Variants in ZNF578 observed in about 807,000 individuals in gnomAD.
ZNF578 encodes the protein Putative chemokine-related protein B42.
A neutral mutation model predicts 8.3 loss-of-function variants in ZNF578; 8 were observed. That is an observed-to-expected ratio of 0.96 (90% CI 0.56 to 1.74). The LOEUF (loss-of-function observed/expected upper bound fraction) is 1.74. Among genes scored for constraint, ZNF578 ranks in the 40% most tolerant of loss-of-function variants. The pLI is 0.00. For synonymous variants in ZNF578, 206 were observed against 232.2 expected (o/e 0.89, Z 1.03); for missense variants, 726 against 707.5 (o/e 1.03, Z -0.30).
chr19:52,513,662 G>A lies in ZNF578; in HGVS notation c.*1508G>A, dbSNP rs1262554930. On this transcript the variant is annotated 3_prime_UTR_variant, in exon 6 of 6. Coordinates refer to ENST00000421239, the MANE Select transcript of ZNF578 (RefSeq NM_001099694.2). ...GGACAATGGTGTGAACCCAGGAGGCGGTGCTTGCAGGGAGCCGAGATCGTG... is the reference window on the plus strand; with the variant it reads ...GGACAATGGTGTGAACCCAGGAGGCAGTGCTTGCAGGGAGCCGAGATCGTG... Among the ~76,000 whole-genome samples the A allele has an allele frequency of 3.3e-5, 5 of 151,254 alleles. No individual in the cohort carries two copies. Among genetic ancestry groups the A allele is most frequent in the Non-Finnish European group, 7.4e-5 (5 of 67,878 alleles).
chr19:52,463,289 G>A (rs2059264500), intron 2 of ZNF578, among the ~76,000 whole-genome samples: 1 of 152,136 alleles, frequency 6.6e-6, no homozygotes. Flanking sequence ...CACCAGTTTG[G>A]CAAGTAGCCC....
intron 3 of ZNF578, among the ~76,000 whole-genome samples, chr19:52,492,415 A>G (rs532544925): frequency 1.3e-5 from 2 of 152,240 alleles, no homozygotes; most frequent in South Asian, 4.1e-4. Flanking sequence ...CGGAGGCCCT[A>G]GGGAAGTCTC....
chr19:52,484,189 A>G (rs895656576), intron 2 of ZNF578, among the ~76,000 whole-genome samples: 4 of 152,228 alleles, frequency 2.6e-5, no homozygotes, highest in Admixed American at 1.3e-4. Flanking sequence ...AAACACCTCA[A>G]TGCCTTAAAG....
intron 5 of ZNF578, 53 bp from the exon 6 acceptor site, chr19:52,510,519 A>G: frequency 6.8e-7 from 1 of 1,476,374 alleles, no homozygotes; most frequent in Non-Finnish European, 9.0e-7. Context: ...ACACTTCAGT[A>G]TGATTTACCA....
intron 3 of ZNF578, among the ~76,000 whole-genome samples, chr19:52,496,550 C>T (rs936117379): frequency 2.8e-5 from 4 of 144,578 alleles, no homozygotes; most frequent in African/African-American, 5.2e-5. Flanking sequence ...AGGATGGTCT[C>T]GATCTCCTGA....
At position 52,512,637 on chromosome 19, in the gene ZNF578, C is replaced by T. The variant is rs1404605121; in HGVS notation, c.*483C>T. Among the ~76,000 whole-genome samples the T allele has an allele frequency of 6.6e-6, 1 of 152,158 alleles. No individual in the cohort carries two copies. The highest frequency in any genetic ancestry group is 1.9e-4 in the East Asian group (1 of 5,196). On this transcript the variant is annotated 3_prime_UTR_variant, in exon 6 of 6. Transcript: ENST00000421239. The stretch of plus-strand genomic sequence containing the variant: ...GCAAAGCCTTTACTTCATGTTCACA[C>T]CTCATTAGACATCAGAGAATCCCTA...
intron 5 of ZNF578, among the ~76,000 whole-genome samples, chr19:52,509,207 G>A (rs28413527): frequency 0.016 from 2,366 of 152,056 alleles, 57 homozygotes; most frequent in African/African-American, 0.053. Flanking sequence ...CCAGCCGTTA[G>A]TCAGTTCTTA....
At position 52,516,771 on chromosome 19, in the gene ZNF578, G is replaced by T. The variant is rs2059478446; in HGVS notation, c.*4617G>T. 6.6e-6 allele frequency among the ~76,000 whole-genome samples: 1 copy of T among 152,080 alleles called. No individual in the cohort carries two copies. The highest frequency in any genetic ancestry group is 2.4e-5 in the African/African-American group (1 of 41,404). On this transcript the variant is annotated 3_prime_UTR_variant, in exon 6 of 6. Coordinates refer to ENST00000421239, the MANE Select transcript of ZNF578 (RefSeq NM_001099694.2). ...AGCATTGCCCCTAACTCCACCGCCT[G>T]TCCCAAAAGCTACAAGAACTAATGA... is the stretch of plus-strand genomic sequence containing the variant.
At chr19:52,489,749 G>A (rs1472387952) in intron 2 of ZNF578, among the ~76,000 whole-genome samples, 2 of 151,096 alleles carry the variant, frequency 1.3e-5, no homozygotes, top group African/African-American at 4.9e-5. Context: ...TCTGCCTCCC[G>A]GGTTCACGCC....
chr19:52,479,542 CAAAAA>C (rs34862610), intron 2 of ZNF578, among the ~76,000 whole-genome samples: 1 of 64,252 alleles, frequency 1.6e-5, no homozygotes. Context: ...GACTCCATCT[CAAAAA>C]AAAAAAAAAA....
chr19:52,454,539 A>G (rs1378025712), intron 1 of ZNF578: 2 of 152,254 alleles, frequency 1.3e-5, no homozygotes, highest in Non-Finnish European at 2.9e-5. Context: ...TTGCCAGAGT[A>G]GCTCACAGAA....
chr19:52,486,545 C>T (rs1212069493), intron 2 of ZNF578, among the ~76,000 whole-genome samples: 5 of 152,042 alleles, frequency 3.3e-5, no homozygotes, highest in South Asian at 2.1e-4. Context: ...ACATGAAGGA[C>T]GGCAAGGTAG....
At position 52,516,138 on chromosome 19, in the gene ZNF578, C is replaced by A. The variant is rs67127431; in HGVS notation, c.*3984C>A. Among the ~76,000 whole-genome samples, 40,726 of 152,000 alleles carry A rather than the reference C, an allele frequency of 0.27. 5,604 individuals are homozygous for A. Among genetic ancestry groups the A allele is most frequent in the Middle Eastern group, 0.3 (87 of 294 alleles). On this transcript the variant is annotated 3_prime_UTR_variant, in exon 6 of 6. Transcript: ENST00000421239. The stretch of plus-strand genomic sequence containing the variant: ...CTCAGGTCATTGTCCCTGCTCTTAC[C>A]CTATGTACCCTGTCCCTTTCTCCTC...
chr19:52,507,092 A>C (rs1261704019), intron 5 of ZNF578, among the ~76,000 whole-genome samples: 1 of 152,148 alleles, frequency 6.6e-6, no homozygotes, highest in Non-Finnish European at 1.5e-5. Flanking sequence ...GAATCTACTA[A>C]ATTAAAAAAA....
At chr19:52,492,181 AAAAAAAAAAGGG>A (rs2059367716) in intron 3 of ZNF578, among the ~76,000 whole-genome samples, 3 of 136,774 alleles carry the variant, frequency 2.2e-5, no homozygotes, top group Non-Finnish European at 4.8e-5. Context: ...AAAAAAAAAA[AAAAAAAAAAGGG>A]AGGGAGAGAC....
Position 52,511,702 on chromosome 19 carries a change from A to G in ZNF578, c.1321A>G (p.Ser441Gly), listed in dbSNP as rs371367423. ...DCGKAFIHQS[S>G]LARHHRLHTG... ...TGGTAAGGCTTTTATTCATCAGTCA[A>G]GCCTTGCACGTCATCATAGACTTCA... The change falls in exon 6 of 6, where the codon AGC becomes GGC. Residue 441 changes from serine (S) to glycine (G), a missense_variant. Physicochemically the swap from Ser to Gly is moderately conservative, Grantham distance 56. Transcript: ENST00000421239. The G allele has an allele frequency of 5.6e-6, 9 of 1,612,932 alleles. No individual in the cohort carries two copies. In the African/African-American group the frequency reaches 1.1e-4, roughly 19 times the overall value.
chr19:52,495,289 CCT>C lies in ZNF578; in HGVS notation c.-20+3865_-20+3866del, dbSNP rs376532460. ...AAGCGATTCTCCTGCGATACTACCC[CCT>C]GAGTAGCTGGGATTACAGGCATGCG... On this transcript the variant is annotated intron_variant, in intron 3 of 5. Coordinates refer to ENST00000421239, the MANE Select transcript of ZNF578 (RefSeq NM_001099694.2). Among the ~76,000 whole-genome samples the C allele has an allele frequency of 7.0e-4, 100 of 143,792 alleles. 3 individuals are homozygous for C. The East Asian group carries it at 0.016, about 23-fold the overall frequency. The allele number at this position is 143,792 out of a possible 152,430, so 94.3% of individuals were successfully genotyped here. A position where few individuals can be genotyped will look rare whatever the true frequency, so the allele number is the denominator to read the frequency against.
chr19:52,510,843 T>G lies in ZNF578; in HGVS notation c.462T>G (p.Asp154Glu). Residue 154 changes from aspartate (D) to glutamate (E), a missense_variant, in exon 6 of 6, where the codon GAT (aspartate) becomes GAG (glutamate). Physicochemically the swap from Asp to Glu is conservative, Grantham distance 45. Coordinates refer to ENST00000421239, the MANE Select transcript of ZNF578 (RefSeq NM_001099694.2). ...ATGCTGGAAACAAGCCTATTAAAGA[T>G]CAGCTTGGATTAAGCTTTCATTTGC... ...QRHAGNKPIK[D>E]QLGLSFHLHL... 1 of 1,614,198 alleles carries G rather than the reference T, an allele frequency of 6.2e-7. No homozygotes were observed. The highest frequency in any genetic ancestry group is 8.5e-7 in the Non-Finnish European group (1 of 1,180,028).
At chr19:52,495,588 A>T (rs1023230813) in intron 3 of ZNF578, among the ~76,000 whole-genome samples, 31 of 152,052 alleles carry the variant, frequency 2.0e-4, no homozygotes, top group Non-Finnish European at 4.1e-4. Flanking sequence ...GGGAAGCAGT[A>T]ATGAAGATGA....
Sources: allele counts gnomAD v4.1 joint callset (sites outside exome capture counted in the v4.1 genomes callset), GRCh38; gene constraint gnomAD v4.1.1; transcripts MANE v1.5; gene names NCBI Gene and HGNC (gene_info 2026-07-23, HGNC 2026-07-21).